The following ELL2 variants were observed in gnomAD, a reference collection of about 807,000 sequenced individuals.
The protein encoded by ELL2 is elongation factor for RNA polymerase II 2, also known as RNA polymerase II elongation factor ELL2.
In ELL2, 21 loss-of-function variants were observed where a neutral mutation model predicts 72.8. The observed-to-expected ratio is 0.29, with a 90% CI of 0.20 to 0.42. ELL2 has a LOEUF of 0.42. ELL2 is among the 10% of genes least tolerant of loss of function. The pLI, the probability that ELL2 is intolerant of heterozygous loss-of-function variation, is 1.00. For synonymous variants in ELL2, 266 were observed against 283.2 expected (o/e 0.94, Z 0.61); for missense variants, 568 against 772.8 (o/e 0.73, Z 3.14).
chr5:95,905,438 C>T (rs1220445319), intron 5 of ELL2, among the ~76,000 whole-genome samples: 7 of 150,598 alleles, frequency 4.6e-5, no homozygotes, highest in African/African-American at 1.7e-4. Context: ...TGATTTGTAA[C>T]CTGACTCTCA....
In ELL2 at chr5:95,961,661, G is replaced by C. The variant is rs758070283; in HGVS notation, c.61C>G (p.Arg21Gly). The C allele has an allele frequency of 6.2e-7, 1 of 1,609,192 alleles. No individual in the cohort carries two copies. ...EEQRYGLSCGRLGQDNITVLH... is the reference protein window; with the variant it reads ...EEQRYGLSCGGLGQDNITVLH... ...ACGGTGATGTTGTCCTGCCCCAGCC[G>C]TCCGCACGACAGCCCATAGCGCTGC... Residue 21 changes from arginine (R) to glycine (G), a missense_variant, in exon 1 of 12, where the codon CGG becomes GGG. By Grantham distance (125) the Arg-to-Gly change is moderately radical (BLOSUM62 -2). Coordinates refer to ENST00000237853, the MANE Select transcript of ELL2 (RefSeq NM_012081.6).
Position 95,887,789 on chromosome 5 carries a change from C to CA in ELL2, c.*1081dup, listed in dbSNP as rs898644791. Reference sequence around the variant, plus strand: ...AATAGCTTCTTTGCATATCTCTCTTCAAAAAATACTTTATAGCAGTATATA... The same window carrying CA: ...AATAGCTTCTTTGCATATCTCTCTTCAAAAAAATACTTTATAGCAGTATATA... On this transcript the variant is annotated 3_prime_UTR_variant, in exon 12 of 12. Coordinates refer to ENST00000237853, the MANE Select transcript of ELL2 (RefSeq NM_012081.6). 2.4e-4 allele frequency: 36 copies of CA among 152,472 alleles called. No individual in the cohort carries two copies. Among genetic ancestry groups the CA allele is most frequent in the African/African-American group, 8.4e-4 (35 of 41,478 alleles). 9.4% of individuals were successfully genotyped at this position (152,472 alleles called of 1,614,324 possible).
chr5:95,906,869 C>T, intron 4 of ELL2, 87 bp from the exon 5 acceptor site: 2 of 1,339,098 alleles, frequency 1.5e-6, no homozygotes, highest in Non-Finnish European at 2.0e-6. Context: ...TTAGGTACCT[C>T]TTCATTTCTA....
At chr5:95,961,127 A>T (rs1252259375) in intron 1 of ELL2, among the ~76,000 whole-genome samples, 1 of 151,966 alleles carries the variant, frequency 6.6e-6, no homozygotes, top group Non-Finnish European at 1.5e-5. Context: ...CACCGTGCCT[A>T]TGTAACTGGA....
In ELL2 at chr5:95,927,734, TACACACACAC is replaced by T; in HGVS notation, c.196-8199_196-8190del. 5.8e-4 allele frequency among the ~76,000 whole-genome samples: 35 copies of T among 60,108 alleles called. 13 individuals are homozygous for T. Among genetic ancestry groups the T allele is most frequent in the Middle Eastern group, 6.9e-3 (1 of 144 alleles). 39.4% of individuals were successfully genotyped at this position (60,108 alleles called of 152,430 possible). A position where few individuals can be genotyped will look rare whatever the true frequency, so the allele number is the denominator to read the frequency against. On this transcript the variant is annotated intron_variant, in intron 2 of 11. Transcript: ENST00000237853. Reference sequence around the variant, plus strand: ...ACACACATATGTGTGTATATAGACATACACACACACATATGTGTGTATATAGACATACACA... The same window carrying T: ...ACACACATATGTGTGTATATAGACATATATGTGTGTATATAGACATACACA...
At chr5:95,889,331 T>C (rs1748575604) in intron 10 of ELL2, among the ~76,000 whole-genome samples, 1 of 152,212 alleles carries the variant, frequency 6.6e-6, no homozygotes, top group African/African-American at 2.4e-5. Context: ...ACTTATCCTA[T>C]GGACACACTT....
intron 1 of ELL2, among the ~76,000 whole-genome samples, chr5:95,951,317 C>G (rs993876081): frequency 1.3e-5 from 2 of 151,678 alleles, no homozygotes; most frequent in African/African-American, 4.8e-5. Flanking sequence ...TGCAGTAAGC[C>G]GAGATTGTGC....
At chr5:95,941,402 A>C (rs1448665823) in intron 2 of ELL2, among the ~76,000 whole-genome samples, 2 of 152,126 alleles carry the variant, frequency 1.3e-5, no homozygotes, top group Non-Finnish European at 2.9e-5. Context: ...TTCAAATATA[A>C]ACTGCCTGCT....
intron 2 of ELL2, among the ~76,000 whole-genome samples, chr5:95,930,100 G>A (rs1750543913): frequency 2.0e-5 from 3 of 152,128 alleles, no homozygotes; most frequent in Admixed American, 2.0e-4. Flanking sequence ...ATAATTCTAA[G>A]TTTAGTAATT....
At chr5:95,890,955 CA>C in intron 10 of ELL2, 147 bp downstream of exon 10, 2 of 906,592 alleles carry the variant, frequency 2.2e-6, no homozygotes, top group Non-Finnish European at 3.5e-6. Context: ...AGAACTATTT[CA>C]AATATTTAGT....
intron 2 of ELL2, among the ~76,000 whole-genome samples, chr5:95,928,047 G>C (rs2112327754): frequency 6.6e-6 from 1 of 152,016 alleles, no homozygotes; most frequent in East Asian, 2.0e-4. Flanking sequence ...AGGTGTCTGA[G>C]TGTGTGTTGT....
intron 1 of ELL2, among the ~76,000 whole-genome samples, chr5:95,953,209 A>T (rs1751484222): frequency 6.6e-6 from 1 of 152,194 alleles, no homozygotes; most frequent in Non-Finnish European, 1.5e-5. Context: ...GGCAGGGACC[A>T]TTCATGACTT....
chr5:95,903,055 G>C (rs1488071427), intron 5 of ELL2, among the ~76,000 whole-genome samples: 1 of 151,940 alleles, frequency 6.6e-6, no homozygotes, highest in Non-Finnish European at 1.5e-5. Flanking sequence ...TAAAGTGCTG[G>C]GATTATAGGT....
chr5:95,959,929 T>G (rs1751751630), intron 1 of ELL2, among the ~76,000 whole-genome samples: 1 of 152,192 alleles, frequency 6.6e-6, no homozygotes, highest in Admixed American at 6.5e-5. Flanking sequence ...GAGTTCATTT[T>G]CTATCCAAAG....
At chr5:95,931,796 TAA>T (rs368583353) in intron 2 of ELL2, among the ~76,000 whole-genome samples, 7 of 72,520 alleles carry the variant, frequency 9.7e-5, no homozygotes, top group South Asian at 5.7e-4. Flanking sequence ...GCCCTATCCA[TAA>T]AAAAAAAAAA....
intron 5 of ELL2, among the ~76,000 whole-genome samples, chr5:95,904,624 C>T (rs113515960): frequency 2.6e-5 from 4 of 152,348 alleles, no homozygotes; most frequent in African/African-American, 7.2e-5. Context: ...ATTATCTCTA[C>T]TGGCACAGGC....
chr5:95,937,503 C>CAA (rs11436515), intron 2 of ELL2, among the ~76,000 whole-genome samples: 5,572 of 134,950 alleles, frequency 0.041, 182 homozygotes, highest in Admixed American at 0.08. Flanking sequence ...GACTCCGTCT[C>CAA]AAAAAAAAAA....
intron 9 of ELL2, among the ~76,000 whole-genome samples, chr5:95,892,882 C>T (rs554218994): frequency 8.5e-4 from 130 of 152,236 alleles, no homozygotes; most frequent in African/African-American, 2.9e-3. Flanking sequence ...AAGCTGCCCT[C>T]CTGGTGTCTT....
At chr5:95,929,261 A>G (rs1253681056) in intron 2 of ELL2, among the ~76,000 whole-genome samples, 4 of 141,094 alleles carry the variant, frequency 2.8e-5, no homozygotes, top group Admixed American at 7.0e-5. Flanking sequence ...GGTCTTCCTC[A>G]TTTTTTTTTT....
Sources: allele counts gnomAD v4.1 joint callset (sites outside exome capture counted in the v4.1 genomes callset), GRCh38; gene constraint gnomAD v4.1.1; transcripts MANE v1.5; gene names NCBI Gene and HGNC (gene_info 2026-07-23, HGNC 2026-07-21).